LNPK: variants seen among roughly 807,000 people sequenced by gnomAD.
The protein encoded by LNPK is lunapark, ER junction formation factor, also known as endoplasmic reticulum junction formation protein lunapark.
LNPK carries 29 observed loss-of-function variants against 55.2 expected under a neutral mutation model. The observed-to-expected ratio is 0.53, with a 90% confidence interval of 0.39 to 0.72. The LOEUF is 0.72. Ranked by LOEUF, LNPK falls within the 30% of genes least tolerant of loss-of-function variation. The pLI, the probability that LNPK is intolerant of heterozygous loss-of-function variation, is 0.00. For missense variants in LNPK, 467 were observed against 494.8 expected (o/e 0.94, Z 0.53); for synonymous variants, 162 against 168.2 (o/e 0.96, Z 0.29).
intron 2 of LNPK, chr2:175,994,251 T>C (rs1276523247): frequency 6.2e-6 from 6 of 972,344 alleles, no homozygotes; most frequent in African/African-American, 1.8e-5. Context: ...GTCCAAGCAG[T>C]TGAATACTGG....
At chr2:175,931,934 G>A (rs1684298441) in intron 12 of LNPK, among the ~76,000 whole-genome samples, 3 of 152,136 alleles carry the variant, frequency 2.0e-5, no homozygotes, top group Non-Finnish European at 2.9e-5. Context: ...AGAATGTTAA[G>A]CGTCATGGTT....
chr2:175,956,278 CAAAAA>C (rs10630601), intron 8 of LNPK, among the ~76,000 whole-genome samples: 31 of 108,538 alleles, frequency 2.9e-4, no homozygotes, highest in Non-Finnish European at 4.8e-4. Flanking sequence ...ACCATGTATT[CAAAAA>C]AAAAAAAAAA....
intron 8 of LNPK, among the ~76,000 whole-genome samples, chr2:175,962,092 T>A (rs1181290841): frequency 6.6e-6 from 1 of 152,192 alleles, no homozygotes; most frequent in East Asian, 1.9e-4. Flanking sequence ...TGCTCATGGA[T>A]AGGAAGAATC....
chr2:175,962,666 A>G (rs943884628), intron 8 of LNPK, among the ~76,000 whole-genome samples: 48 of 152,224 alleles, frequency 3.2e-4, no homozygotes, highest in Non-Finnish European at 1.3e-4. Flanking sequence ...TGTCTAAAAC[A>G]CTAAAAGCAA....
At chr2:175,977,448 A>G (rs78649661) in intron 5 of LNPK, among the ~76,000 whole-genome samples, 1 of 149,050 alleles carries the variant, frequency 6.7e-6, no homozygotes. Flanking sequence ...ACAAGTTATC[A>G]AAAAAAAAAG....
intron 9 of LNPK, chr2:175,939,880 T>C: frequency 2.7e-6 from 1 of 370,804 alleles, no homozygotes; most frequent in East Asian, 4.5e-5. Context: ...CTACCTTTGC[T>C]AGTAGATTCT....
rs1010994475 is a variant in LNPK at position 175,985,150 on chromosome 2, T to C, written c.258-5282A>G. On this transcript the variant is annotated intron_variant, in intron 4 of 12. Transcript: ENST00000272748. ...TTATAACATTCTTGAAATAACAAATTTGTGGAGACAGAAAACAGATTAATG... is the reference window on the plus strand; with the variant it reads ...TTATAACATTCTTGAAATAACAAATCTGTGGAGACAGAAAACAGATTAATG... Among the ~76,000 whole-genome samples, 17 of 152,228 alleles carry C rather than the reference T, an allele frequency of 1.1e-4. No individual in the cohort carries two copies. In the East Asian group the frequency reaches 2.5e-3, roughly 22 times the overall value.
At chr2:175,975,323 T>C (rs1686861156) in intron 5 of LNPK, among the ~76,000 whole-genome samples, 1 of 151,860 alleles carries the variant, frequency 6.6e-6, no homozygotes, top group Non-Finnish European at 1.5e-5. Flanking sequence ...AATAAAAGAA[T>C]AAGAATTGGA....
In LNPK at chr2:175,927,641, A is replaced by T. The variant is rs962738037; in HGVS notation, c.*2326T>A. 2 of 152,226 alleles carry T rather than the reference A, an allele frequency of 1.3e-5. No individual in the cohort carries two copies. 9.4% of individuals were successfully genotyped at this position (152,226 alleles called of 1,614,324 possible). ...ATGCTCAGGACATAGAAGAATTTAG[A>T]TGACCCACTGAACAATTGTAAGCAA... On this transcript the variant is annotated 3_prime_UTR_variant, in exon 13 of 13. Transcript: ENST00000272748.
chr2:175,979,894 C>CA (rs755737012), intron 4 of LNPK, 26 bp from the exon 5 acceptor site: 7 of 1,539,974 alleles, frequency 4.5e-6, no homozygotes, highest in Non-Finnish European at 6.1e-6. Context: ...AATTCAGAAA[C>CA]AAAAAACATC....
At chr2:175,985,788 C>T (rs183629401) in intron 4 of LNPK, among the ~76,000 whole-genome samples, 2 of 152,220 alleles carry the variant, frequency 1.3e-5, no homozygotes, top group East Asian at 1.9e-4. Context: ...ACAAGTATAA[C>T]TATACTGCAA....
At chr2:175,931,156 T>C (rs563402610) in intron 12 of LNPK, among the ~76,000 whole-genome samples, 48 of 152,310 alleles carry the variant, frequency 3.2e-4, no homozygotes, top group African/African-American at 1.1e-3. Flanking sequence ...TTAGTATTTT[T>C]GCTAGTAGAA....
intron 8 of LNPK, among the ~76,000 whole-genome samples, chr2:175,953,191 G>A (rs1328417553): frequency 1.3e-5 from 2 of 151,774 alleles, no homozygotes; most frequent in South Asian, 2.1e-4. Flanking sequence ...CTTTTTCCTG[G>A]GCTCTTCTTT....
intron 1 of LNPK, among the ~76,000 whole-genome samples, chr2:175,997,019 C>T (rs1009733666): frequency 2.0e-5 from 3 of 152,124 alleles, no homozygotes; most frequent in African/African-American, 4.8e-5. Context: ...TAACCATAAA[C>T]GTAAACACAA....
In LNPK at chr2:175,929,842, A is replaced by G; in HGVS notation, c.*125T>C. ...TTTGAGATGTTCAAATAGCTAGGCA[A>G]TCTGAATTCAAATGATACACAAGCA... On this transcript the variant is annotated 3_prime_UTR_variant, in exon 13 of 13. Transcript: ENST00000272748. 6.8e-7 allele frequency: 1 copy of G among 1,473,212 alleles called. No homozygotes were observed. The highest frequency in any genetic ancestry group is 1.4e-5 in the African/African-American group (1 of 70,478). 91.3% of individuals were successfully genotyped at this position (1,473,212 alleles called of 1,614,324 possible).
chr2:175,962,357 T>C (rs1374046091), intron 8 of LNPK, among the ~76,000 whole-genome samples: 3 of 152,040 alleles, frequency 2.0e-5, no homozygotes, highest in Non-Finnish European at 1.5e-5. Flanking sequence ...ACAACAGATA[T>C]ATAGACCAAT....
intron 6 of LNPK, among the ~76,000 whole-genome samples, chr2:175,969,013 C>T (rs1289705500): frequency 6.7e-6 from 1 of 150,110 alleles, no homozygotes; most frequent in Non-Finnish European, 1.5e-5. Flanking sequence ...AGCAAAATTC[C>T]ATCTCAAAAA....
At chr2:175,968,623 T>C (rs1178213866) in intron 6 of LNPK, among the ~76,000 whole-genome samples, 1 of 152,110 alleles carries the variant, frequency 6.6e-6, no homozygotes, top group African/African-American at 2.4e-5. Flanking sequence ...CTTCCTAACT[T>C]TATAATAATA....
intron 6 of LNPK, chr2:175,967,755 A>C: frequency 1.0e-6 from 1 of 972,898 alleles, no homozygotes; most frequent in South Asian, 4.8e-5. Flanking sequence ...GTATTCCACA[A>C]TAATAGTCAC....
Sources: gnomAD v4.1 joint callset for allele counts (sites outside exome capture counted in the v4.1 genomes callset) on GRCh38, gnomAD v4.1.1 for gene constraint, MANE v1.5 for transcripts, NCBI Gene and HGNC (gene_info 2026-07-23, HGNC 2026-07-21) for gene names.